The following RAPGEF5 variants were observed in gnomAD, a reference collection of about 807,000 sequenced individuals.
The protein encoded by RAPGEF5 is M-Ras-regulated GEF.
RAPGEF5 carries 65 observed loss-of-function variants against 125.2 expected under a neutral mutation model. The ratio of observed to expected loss-of-function variants is 0.52; its 90% CI spans 0.43 to 0.64. The LOEUF is 0.64. RAPGEF5 is among the 30% of genes least tolerant of loss of function. The probability of loss-of-function intolerance (pLI) is 0.00; values close to 1 mark genes in which losing one functional copy is unlikely to be tolerated. For missense variants in RAPGEF5, 958 were observed against 1,048.1 expected (o/e 0.91, Z 1.19); for synonymous variants, 391 against 385.9 (o/e 1.01, Z -0.16).
At chr7:22,138,614 T>C (rs539252812) in intron 21 of RAPGEF5, among the ~76,000 whole-genome samples, 4 of 152,188 alleles carry the variant, frequency 2.6e-5, no homozygotes, top group Admixed American at 6.5e-5. Context: ...TCGAGTTTTC[T>C]CAGCTACCCA....
At position 22,118,303 on chromosome 7, in the gene RAPGEF5, T is replaced by TAGTG. The variant is rs541894551; in HGVS notation, c.*4099_*4102dup. The TAGTG allele has an allele frequency of 1.3e-3, 201 of 152,474 alleles. No individual in the cohort carries two copies. The highest frequency in any genetic ancestry group is 4.6e-3 in the African/African-American group (191 of 41,428). The allele number at this position is 152,474 out of a possible 1,614,324, so 9.4% of individuals were successfully genotyped here. On this transcript the variant is annotated 3_prime_UTR_variant, in exon 26 of 26. Transcript: ENST00000665637. ...AAAGCAAGAAACTAAGAGGCATGAA[T>TAGTG]AGTGTCTTTAACATAGTCTCATATT...
intron 7 of RAPGEF5, among the ~76,000 whole-genome samples, chr7:22,256,464 A>G (rs1786763412): frequency 6.6e-6 from 1 of 152,242 alleles, no homozygotes; most frequent in African/African-American, 2.4e-5. Flanking sequence ...CAGCCCCTGC[A>G]AGATACAAAT....
In RAPGEF5 at chr7:22,281,057, T is replaced by C. The variant is rs181367743; in HGVS notation, c.747+10118A>G. Among the ~76,000 whole-genome samples the C allele has an allele frequency of 4.8e-3, 732 of 152,294 alleles. 30 individuals carry two copies. Among genetic ancestry groups the C allele is most frequent in the Admixed American group, 0.043 (655 of 15,274 alleles). On this transcript the variant is annotated intron_variant, in intron 6 of 25. Coordinates refer to ENST00000665637, the MANE Select transcript of RAPGEF5 (RefSeq NM_012294.5). ...GGAGAGAGAGCAAATGTGAAAAACA[T>C]GAATAAAATGATAGTCTACATTTTT...
In RAPGEF5 at chr7:22,157,851, T is replaced by C. The variant is rs544395379; in HGVS notation, c.1557+4A>G. 5.6e-6 allele frequency: 9 copies of C among 1,611,792 alleles called. No homozygotes were observed. In the African/African-American group the frequency reaches 1.2e-4, roughly 21 times the overall value. On this transcript the variant is annotated splice_donor_region_variant and intron_variant, in intron 15 of 25. Transcript: ENST00000665637. ...TAATTTTAGGTATAGAAGCATCTGC[T>C]TACCTTTTTTTGTGGTGAATATTCA...
Position 22,250,041 on chromosome 7 carries a change from A to T in RAPGEF5, c.796+16923T>A, listed in dbSNP as rs932817597. Among the ~76,000 whole-genome samples the T allele has an allele frequency of 2.6e-5, 4 of 152,222 alleles. 1 individual carries two copies. The highest frequency in any genetic ancestry group is 2.6e-4 in the Admixed American group (4 of 15,278). Reference sequence around the variant, plus strand: ...TGATGCGGCTATCAGAAAGGGACCTAGGATTATTTTACAAAGTATCTATCT... The same window carrying T: ...TGATGCGGCTATCAGAAAGGGACCTTGGATTATTTTACAAAGTATCTATCT... On this transcript the variant is annotated intron_variant, in intron 7 of 25. Coordinates refer to ENST00000665637, the MANE Select transcript of RAPGEF5 (RefSeq NM_012294.5).
At chr7:22,164,578 T>G (rs1784104034) in intron 12 of RAPGEF5, among the ~76,000 whole-genome samples, 3 of 152,256 alleles carry the variant, frequency 2.0e-5, no homozygotes, top group Non-Finnish European at 4.4e-5. Flanking sequence ...TTCATAGTTA[T>G]CTGCTTTACC....
At position 22,217,282 on chromosome 7, in the gene RAPGEF5, G is replaced by C. The variant is rs1325486201; in HGVS notation, c.996+2584C>G. On this transcript the variant is annotated intron_variant, in intron 9 of 25. Transcript: ENST00000665637. The stretch of plus-strand genomic sequence containing the variant: ...GAGGAAACTGCAGACCTAGGTTTAC[G>C]TTAAGTAAACTGCAGTTTCCTCTGT... Among the ~76,000 whole-genome samples, 4 of 152,302 alleles carry C rather than the reference G, an allele frequency of 2.6e-5. No individual in the cohort carries two copies. The East Asian group carries it at 7.7e-4, about 29-fold the overall frequency.
chr7:22,317,550 A>G (rs1783628389), intron 2 of RAPGEF5, among the ~76,000 whole-genome samples: 1 of 152,128 alleles, frequency 6.6e-6, no homozygotes, highest in African/African-American at 2.4e-5. Context: ...AAAAAATGCA[A>G]CTCTTTATTG....
chr7:22,307,064 G>A lies in RAPGEF5; in HGVS notation c.680+1275C>T, dbSNP rs1410148917. ...TTTTGTGGTTTCATATAAATTTTAG[G>A]ATTGTTTTTTCTATTTCTGGGAAGA... On this transcript the variant is annotated intron_variant, in intron 5 of 25. Coordinates refer to ENST00000665637, the MANE Select transcript of RAPGEF5 (RefSeq NM_012294.5). 3.3e-5 allele frequency among the ~76,000 whole-genome samples: 5 copies of A among 152,122 alleles called. 1 individual carries two copies. Among genetic ancestry groups the A allele is most frequent in the African/African-American group, 1.2e-4 (5 of 41,432 alleles).
rs540127720 is a variant in RAPGEF5 at position 22,356,577 on chromosome 7, G to C, written c.231+253C>G. 1.4e-3 allele frequency: 232 copies of C among 167,964 alleles called. 2 individuals are homozygous for C. Among genetic ancestry groups the C allele is most frequent in the African/African-American group, 5.4e-3 (209 of 38,632 alleles). 10.4% of individuals were successfully genotyped at this position (167,964 alleles called of 1,614,324 possible). Reference sequence around the variant, plus strand: ...CAGCCGATGCCCGGTCCCGCAGCCTGAATCTGGGGGCCCTGGGGTTAAGTC... The same window carrying C: ...CAGCCGATGCCCGGTCCCGCAGCCTCAATCTGGGGGCCCTGGGGTTAAGTC... On this transcript the variant is annotated intron_variant, in intron 1 of 25. Coordinates refer to ENST00000665637, the MANE Select transcript of RAPGEF5 (RefSeq NM_012294.5).
chr7:22,180,572 A>ATT (rs1349875927), intron 11 of RAPGEF5, among the ~76,000 whole-genome samples: 3 of 152,110 alleles, frequency 2.0e-5, no homozygotes, highest in Admixed American at 6.6e-5. Context: ...CTCCATACTT[A>ATT]TTTTCACATG....
At chr7:22,227,142 CTT>C (rs1215268345) in intron 8 of RAPGEF5, among the ~76,000 whole-genome samples, 1 of 151,604 alleles carries the variant, frequency 6.6e-6, no homozygotes, top group Non-Finnish European at 1.5e-5. Context: ...AATATTTTCT[CTT>C]GTTTTGACCT....
At chr7:22,236,376 C>T (rs1786188966) in intron 7 of RAPGEF5, among the ~76,000 whole-genome samples, 1 of 152,172 alleles carries the variant, frequency 6.6e-6, no homozygotes, top group South Asian at 2.1e-4. Context: ...CAGATGGTAA[C>T]ATGTCTGCTA....
chr7:22,162,630 G>T, intron 12 of RAPGEF5, 89 bp from the exon 13 acceptor site: 1 of 1,235,560 alleles, frequency 8.1e-7, no homozygotes, highest in Non-Finnish European at 1.1e-6. Flanking sequence ...ATATGTGAAG[G>T]CATACAAGTG....
At chr7:22,143,808 G>C (rs976748734) in intron 20 of RAPGEF5, among the ~76,000 whole-genome samples, 1 of 152,172 alleles carries the variant, frequency 6.6e-6, no homozygotes, top group African/African-American at 2.4e-5. Context: ...CTCCCATTCT[G>C]TTTTGCACAG....
chr7:22,335,091 G>T (rs1430517915), intron 1 of RAPGEF5, among the ~76,000 whole-genome samples: 1 of 152,224 alleles, frequency 6.6e-6, no homozygotes, highest in Non-Finnish European at 1.5e-5. Flanking sequence ...TCAACTACCT[G>T]AGGAACACTG....
chr7:22,231,930 T>C (rs534858776), intron 7 of RAPGEF5, among the ~76,000 whole-genome samples: 1 of 152,296 alleles, frequency 6.6e-6, no homozygotes, highest in Non-Finnish European at 1.5e-5. Flanking sequence ...TTAAAAGTTC[T>C]TTTTTGCTTC....
chr7:22,314,729 T>C (rs1327263854), intron 3 of RAPGEF5: 3 of 624,060 alleles, frequency 4.8e-6, no homozygotes, highest in African/African-American at 4.0e-5. Context: ...AATATCTTTA[T>C]CTGGCAAAAC....
chr7:22,313,457 C>T (rs963105343), intron 3 of RAPGEF5, among the ~76,000 whole-genome samples: 4 of 152,200 alleles, frequency 2.6e-5, no homozygotes, highest in African/African-American at 9.7e-5. Context: ...CACATGAGCA[C>T]TTCATGTTTA....
Sources: gnomAD v4.1 joint callset for allele counts (sites outside exome capture counted in the v4.1 genomes callset) on GRCh38, gnomAD v4.1.1 for gene constraint, MANE v1.5 for transcripts, NCBI Gene and HGNC (gene_info 2026-07-23, HGNC 2026-07-21) for gene names.